RBFOX1: variants seen among roughly 807,000 people sequenced by gnomAD.
RBFOX1 encodes the protein RNA binding protein fox-1 homolog 1.
In RBFOX1, 8 loss-of-function variants were observed where a neutral mutation model predicts 57.7. The ratio of observed to expected loss-of-function variants is 0.14; its 90% CI spans 0.08 to 0.25. The LOEUF is 0.25. Ranked by LOEUF, RBFOX1 falls within the 10% of genes least tolerant of loss-of-function variation. The probability of loss-of-function intolerance (pLI) is 1.00; values close to 1 mark genes in which losing one functional copy is unlikely to be tolerated. For missense variants in RBFOX1, 611 were observed against 548.5 expected (o/e 1.11, Z -1.14); for synonymous variants, 326 against 222.4 (o/e 1.47, Z -4.15).
intron 1 of RBFOX1, among the ~76,000 whole-genome samples, chr16:6,151,486 A>T (rs1192589230): frequency 6.6e-6 from 1 of 152,048 alleles, no homozygotes; most frequent in African/African-American, 2.4e-5. Flanking sequence ...GGGTTTCACC[A>T]TGTTGGCCAG....
intron 4 of RBFOX1, among the ~76,000 whole-genome samples, chr16:7,110,998 TTTG>T (rs1165233407): frequency 6.6e-6 from 1 of 152,146 alleles, no homozygotes; most frequent in African/African-American, 2.4e-5. Flanking sequence ...TCTTCATTTG[TTTG>T]TTGTTTTTTT....
intron 4 of RBFOX1, among the ~76,000 whole-genome samples, chr16:7,102,246 C>G (rs569163891): frequency 3.9e-5 from 6 of 152,272 alleles, no homozygotes; most frequent in African/African-American, 1.2e-4. Context: ...ATGAAAATAT[C>G]TTTCTCAATT....
chr16:5,976,302 G>A (rs2060062320), intron 4 of RBFOX1, among the ~76,000 whole-genome samples: 5 of 152,182 alleles, frequency 3.3e-5, no homozygotes, highest in Admixed American at 3.3e-4. Flanking sequence ...ACACGAGTTA[G>A]GAAAACATCA....
intron 3 of RBFOX1, among the ~76,000 whole-genome samples, chr16:6,747,470 GTCTGTTTA>G (rs1254784646): frequency 1.4e-5 from 2 of 146,898 alleles, no homozygotes; most frequent in East Asian, 2.0e-4. Context: ...CTGTCTGTCT[GTCTGTTTA>G]TCTATCTGTC....
chr16:5,728,653 C>T (rs2052244115), intron 3 of RBFOX1, among the ~76,000 whole-genome samples: 1 of 152,164 alleles, frequency 6.6e-6, no homozygotes, highest in South Asian at 2.1e-4. Flanking sequence ...TGGGATGACT[C>T]CGTAGGTCAC....
chr16:6,267,026 T>G (rs529545970), intron 1 of RBFOX1, among the ~76,000 whole-genome samples: 1 of 152,304 alleles, frequency 6.6e-6, no homozygotes, highest in East Asian at 1.9e-4. Context: ...ATGAATATTT[T>G]TGATGGGATA....
intron 3 of RBFOX1, among the ~76,000 whole-genome samples, chr16:5,773,757 G>A (rs1289274625): frequency 1.3e-5 from 2 of 152,168 alleles, no homozygotes; most frequent in African/African-American, 4.8e-5. Flanking sequence ...GAGTGCAGTG[G>A]TGTGATCTCG....
chr16:7,310,502 G>T (rs112065726), intron 4 of RBFOX1, among the ~76,000 whole-genome samples: 3 of 152,230 alleles, frequency 2.0e-5, no homozygotes, highest in African/African-American at 7.2e-5. Flanking sequence ...CCAGAGTCCT[G>T]TTGGTATGTT....
chr16:7,255,108 T>G (rs1297704776), intron 4 of RBFOX1, among the ~76,000 whole-genome samples: 3 of 152,164 alleles, frequency 2.0e-5, no homozygotes, highest in African/African-American at 7.2e-5. Context: ...ATCCCCAATG[T>G]GCCAAAAATA....
At chr16:5,565,672 T>TAAA (rs1567236405) in intron 2 of RBFOX1, among the ~76,000 whole-genome samples, 141 of 129,142 alleles carry the variant, frequency 1.1e-3, no homozygotes, top group African/African-American at 3.6e-3. Context: ...AAATAAATAA[T>TAAA]TTGCAAGTCG....
intron 4 of RBFOX1, among the ~76,000 whole-genome samples, chr16:7,503,242 T>G (rs1475097128): frequency 1.3e-5 from 2 of 152,192 alleles, no homozygotes; most frequent in African/African-American, 4.8e-5. Context: ...GGTGACATTC[T>G]TAGTGGGATA....
At chr16:6,908,765 G>C (rs1483626495) in intron 3 of RBFOX1, among the ~76,000 whole-genome samples, 2 of 152,128 alleles carry the variant, frequency 1.3e-5, no homozygotes, top group Non-Finnish European at 2.9e-5. Context: ...TGTGCAATCT[G>C]GGACCAAGTG....
intron 14 of RBFOX1, among the ~76,000 whole-genome samples, chr16:7,696,405 C>T (rs1039205880): frequency 9.9e-5 from 15 of 152,028 alleles, no homozygotes; most frequent in African/African-American, 3.1e-4. Context: ...AATGATTTTC[C>T]CTTCTTAGAC....
At chr16:7,386,216 C>T (rs1053048291) in intron 4 of RBFOX1, among the ~76,000 whole-genome samples, 1 of 152,142 alleles carries the variant, frequency 6.6e-6, no homozygotes, top group Non-Finnish European at 1.5e-5. Context: ...TTCTTTCCTT[C>T]TCACTAAAGT....
chr16:5,678,347 A>C (rs2050227183), intron 3 of RBFOX1, among the ~76,000 whole-genome samples: 1 of 152,224 alleles, frequency 6.6e-6, no homozygotes, highest in African/African-American at 2.4e-5. Context: ...CCTCTGTTGC[A>C]ATTTGTTGAA....
chr16:7,510,513 G>GGCGCGCGCGCACGCGCGCA (rs2074772836), intron 4 of RBFOX1, among the ~76,000 whole-genome samples: 1 of 149,886 alleles, frequency 6.7e-6, no homozygotes, highest in Non-Finnish European at 1.5e-5. Context: ...GTGTGTGTGG[G>GGCGCGCGCGCACGCGCGCA]CGCGCGCGCA....
intron 1 of RBFOX1, among the ~76,000 whole-genome samples, chr16:6,110,464 C>A (rs190955428): frequency 8.5e-5 from 13 of 152,196 alleles, no homozygotes; most frequent in East Asian, 5.8e-4. Context: ...ACAATTGATA[C>A]CTAAGTAGTG....
chr16:7,469,048 CT>C (rs1414871901), intron 4 of RBFOX1, among the ~76,000 whole-genome samples: 11 of 152,096 alleles, frequency 7.2e-5, no homozygotes, highest in Admixed American at 7.2e-4. Context: ...ATTTTCCTGC[CT>C]CAGCCTCCTG....
chr16:6,814,846 C>CCAGACGCCAAGA (rs1555496680), intron 3 of RBFOX1, among the ~76,000 whole-genome samples: 1 of 152,036 alleles, frequency 6.6e-6, no homozygotes, highest in Non-Finnish European at 1.5e-5. Context: ...GGGTCCTGAT[C>CCAGACGCCAAGA]CAGACGCCAA....
Sources: allele counts gnomAD v4.1 joint callset (sites outside exome capture counted in the v4.1 genomes callset), GRCh38; gene constraint gnomAD v4.1.1; transcripts MANE v1.5; gene names NCBI Gene and HGNC (gene_info 2026-07-23, HGNC 2026-07-21).